Variants in AHDC1 observed in about 807,000 individuals in gnomAD.
AHDC1 encodes transcription factor Gibbin.
Under a neutral mutation model 87.9 loss-of-function variants are expected in AHDC1, and 7 were observed. That is an observed-to-expected ratio of 0.08 (90% CI 0.05 to 0.15). The LOEUF is 0.15. Ranked by LOEUF, AHDC1 falls within the 10% of genes least tolerant of loss-of-function variation. The pLI, the probability that AHDC1 is intolerant of heterozygous loss-of-function variation, is 1.00. For missense variants in AHDC1, 1,841 were observed against 2,253.2 expected (o/e 0.82, Z 3.70); for synonymous variants, 1,051 against 1,006.8 (o/e 1.04, Z -0.83).
chr1:27,600,672 C>T (rs2089506118), intron 3 of AHDC1, among the ~76,000 whole-genome samples: 1 of 152,106 alleles, frequency 6.6e-6, no homozygotes, highest in African/African-American at 2.4e-5. Flanking sequence ...GAACAGCTCC[C>T]CCTACCCAAA....
intron 3 of AHDC1, among the ~76,000 whole-genome samples, chr1:27,584,939 G>A (rs543973533): frequency 6.6e-5 from 10 of 152,188 alleles, no homozygotes; most frequent in Admixed American, 4.6e-4. Context: ...TTGGGAGGCC[G>A]AGGTGGGCAG....
At chr1:27,582,575 T>A (rs1289436743) in intron 3 of AHDC1, among the ~76,000 whole-genome samples, 1 of 152,256 alleles carries the variant, frequency 6.6e-6, no homozygotes, top group Admixed American at 6.5e-5. Flanking sequence ...CTGTCTGTTT[T>A]ACCCTCTAAA....
intron 3 of AHDC1, among the ~76,000 whole-genome samples, chr1:27,594,618 G>A (rs528850805): frequency 1.8e-4 from 28 of 152,174 alleles, no homozygotes; most frequent in Non-Finnish European, 3.4e-4. Context: ...GGCCTGGGGC[G>A]GTGAAGGGGT....
At chr1:27,575,915 C>G (rs2088724226) in intron 3 of AHDC1, among the ~76,000 whole-genome samples, 1 of 106,686 alleles carries the variant, frequency 9.4e-6, no homozygotes, top group African/African-American at 3.4e-5. Flanking sequence ...GGTCACGTGG[C>G]GGGGGGAGGG....
chr1:27,567,086 C>T (rs2020353861), intron 3 of AHDC1, among the ~76,000 whole-genome samples: 2 of 152,124 alleles, frequency 1.3e-5, no homozygotes, highest in African/African-American at 2.4e-5. Flanking sequence ...CTCTCCAGGC[C>T]GTCTGTGGGC....
At chr1:27,599,818 T>C (rs1213609051) in intron 3 of AHDC1, among the ~76,000 whole-genome samples, 3 of 151,970 alleles carry the variant, frequency 2.0e-5, no homozygotes, top group Non-Finnish European at 4.4e-5. Flanking sequence ...AGAAGGGAGA[T>C]GCTACCCTGG....
At chr1:27,568,471 T>C (rs1339457332) in intron 3 of AHDC1, among the ~76,000 whole-genome samples, 1 of 152,052 alleles carries the variant, frequency 6.6e-6, no homozygotes, top group Admixed American at 6.6e-5. Context: ...TCTCCCAGAC[T>C]TGGAAGGGCG....
chr1:27,566,177 CAG>C (rs1294636579), intron 3 of AHDC1, among the ~76,000 whole-genome samples: 2 of 152,068 alleles, frequency 1.3e-5, no homozygotes, highest in Non-Finnish European at 2.9e-5. Flanking sequence ...AGAAGAAAGA[CAG>C]GGGGCGGGAG....
intron 8 of AHDC1, among the ~76,000 whole-genome samples, chr1:27,536,627 C>T (rs978097139): frequency 6.6e-6 from 1 of 152,108 alleles, no homozygotes; most frequent in African/African-American, 2.4e-5. Context: ...GGGGTAACTG[C>T]TTGAGCCAGA....
In AHDC1 at chr1:27,549,103, C is replaced by G. The variant is rs1368029764; in HGVS notation, c.3013G>C (p.Gly1005Arg). 6.4e-7 allele frequency: 1 copy of G among 1,553,266 alleles called. No homozygotes were observed. Among genetic ancestry groups the G allele is most frequent in the Non-Finnish European group, 8.7e-7 (1 of 1,148,606 alleles). The part of the protein sequence containing the change: ...SKDCSFAYGS[G>R]NSLPASPSSA... ...CTGGGTGAGGCAGGGAGGCTGTTGC[C>G]ACTGCCATAGGCGAAGCTGCAGTCC... is the stretch of plus-strand genomic sequence containing the variant. Residue 1005 changes from glycine to arginine, a missense_variant, in exon 8 of 9, where the codon GGC becomes CGC. Physicochemically the swap from Gly to Arg is moderately radical, Grantham distance 125. Around this residue, in one of 13 missense-constraint regions of AHDC1, gnomAD observed 378 missense variants for 399.0 expected, o/e 0.95. Coordinates refer to ENST00000673934, the MANE Select transcript of AHDC1 (RefSeq NM_001371928.1).
At position 27,561,061 on chromosome 1, in the gene AHDC1, C is replaced by G. The variant is rs1209629111; in HGVS notation, c.-628-2178G>C. Among the ~76,000 whole-genome samples the G allele has an allele frequency of 1.3e-5, 2 of 152,166 alleles. No individual in the cohort carries two copies. The highest frequency in any genetic ancestry group is 3.8e-4 in the East Asian group (2 of 5,202). ...GAAGGAGAATTCCAACCTGCCAGAG[C>G]CTCCCTCCTCTGATCTGTCCCCCCT... On this transcript the variant is annotated intron_variant, in intron 3 of 8. Transcript: ENST00000673934. This position sits in a 1 kb window ranked among gnomAD's most constrained non-coding sequence, Gnocchi z 4.2.
chr1:27,603,143 A>ACCCCCCCCCCCCCC (rs1156376060), intron 3 of AHDC1, among the ~76,000 whole-genome samples: 2 of 110,426 alleles, frequency 1.8e-5, no homozygotes, highest in Non-Finnish European at 3.9e-5. Flanking sequence ...AAACCCGAGA[A>ACCCCCCCCCCCCCC]CCCCCCCTCC....
chr1:27,566,875 C>T (rs949508845), intron 3 of AHDC1, among the ~76,000 whole-genome samples: 1 of 150,354 alleles, frequency 6.7e-6, no homozygotes, highest in Admixed American at 6.6e-5. Flanking sequence ...GAGGCGGGCA[C>T]GGCAGGGGCA....
intron 3 of AHDC1, among the ~76,000 whole-genome samples, chr1:27,572,417 A>C (rs2088559469): frequency 6.6e-6 from 1 of 151,966 alleles, no homozygotes; most frequent in Non-Finnish European, 1.5e-5. Flanking sequence ...CAGCCTGAAA[A>C]CACCACCGGA....
Position 27,549,652 on chromosome 1 carries a change from G to A in AHDC1, c.2464C>T (p.Pro822Ser). 1.9e-6 allele frequency: 3 copies of A among 1,613,122 alleles called. No individual in the cohort carries two copies. Among genetic ancestry groups the A allele is most frequent in the Middle Eastern group, 1.6e-4 (1 of 6,062 alleles). The change falls in exon 8 of 9, where the codon CCC (proline) becomes TCC (serine). Residue 822 changes from proline to serine, a missense_variant. Pro to Ser is a moderately conservative substitution (Grantham distance 74). Coordinates refer to ENST00000673934, the MANE Select transcript of AHDC1 (RefSeq NM_001371928.1). ...TGGCTGAGCTCGGTCTGGCCTGAGG[G>A]TGCACCCGTGCTGTAGTAGCTGCCA... is the stretch of plus-strand genomic sequence containing the variant. ...GRGSYYSTGA[P>S]SGQTELSQER...
intron 8 of AHDC1, among the ~76,000 whole-genome samples, chr1:27,541,663 CTT>C (rs1358588032): frequency 5.4e-5 from 7 of 130,520 alleles, no homozygotes; most frequent in Non-Finnish European, 3.3e-5. Context: ...AGTTTTTGCT[CTT>C]GTCACCCAGG....
Position 27,561,627 on chromosome 1 carries a change from T to C in AHDC1, c.-628-2744A>G, listed in dbSNP as rs2020088670. Among the ~76,000 whole-genome samples the C allele has an allele frequency of 6.6e-6, 1 of 151,104 alleles. No individual in the cohort carries two copies. The highest frequency in any genetic ancestry group is 2.4e-5 in the African/African-American group (1 of 40,876). ...TCTGGCCTCCTTGTTCAGGGGGTGTTGGCTGGGGGAGATTTGTTCTGGTTG... is the reference window on the plus strand; with the variant it reads ...TCTGGCCTCCTTGTTCAGGGGGTGTCGGCTGGGGGAGATTTGTTCTGGTTG... On this transcript the variant is annotated intron_variant, in intron 3 of 8. Transcript: ENST00000673934. This position sits in a 1 kb window ranked among gnomAD's most constrained non-coding sequence, Gnocchi z 4.2.
intron 3 of AHDC1, among the ~76,000 whole-genome samples, chr1:27,597,584 C>T (rs2089412640): frequency 6.6e-6 from 1 of 152,088 alleles, no homozygotes; most frequent in Non-Finnish European, 1.5e-5. Context: ...GAGCAAGGGG[C>T]TCTGGGCGGC....
Position 27,551,132 on chromosome 1 carries a change from C to A in AHDC1, c.984G>T (p.Leu328=), listed in dbSNP as rs749199491. The A allele has an allele frequency of 1.3e-5, 21 of 1,594,628 alleles. No individual in the cohort carries two copies. The Admixed American group carries it at 3.5e-4, about 27-fold the overall frequency. Residue 328 remains leucine, a synonymous_variant, in exon 8 of 9, where the codon CTG becomes CTT. Transcript: ENST00000673934. ...GGGGGTCGAGTGCCTGGGGGTCAAGCAGCTGCGACTCCAAGGAGTCAGGCA... is the reference window on the plus strand; with the variant it reads ...GGGGGTCGAGTGCCTGGGGGTCAAGAAGCTGCGACTCCAAGGAGTCAGGCA... ...DTLPDSLESQ[L]LDPQALDPLP... is the part of the protein sequence containing the mutation.
Sources: allele counts gnomAD v4.1 joint callset (sites outside exome capture counted in the v4.1 genomes callset), GRCh38; gene constraint gnomAD v4.1.1; regional missense constraint gnomAD v4.1.1; non-coding constraint Gnocchi (gnomAD v3.1); transcripts MANE v1.5; gene names NCBI Gene and HGNC (gene_info 2026-07-23, HGNC 2026-07-21).